Variants in DGKE observed in about 807,000 individuals in gnomAD.
The protein encoded by DGKE is diacylglycerol kinase epsilon.
In DGKE, 53 loss-of-function variants were observed where a neutral mutation model predicts 70.0. That is an observed-to-expected ratio of 0.76 (90% CI 0.61 to 0.95). The LOEUF (loss-of-function observed/expected upper bound fraction) is 0.95, where lower values mean the gene tolerates loss of function less well. Ranked by LOEUF, DGKE falls within the 40% of genes least tolerant of loss-of-function variation. DGKE has a pLI of 0.00. For synonymous variants in DGKE, 291 were observed against 257.0 expected, an observed-to-expected ratio of 1.13 and a Z score of -1.27; for missense variants, 655 against 706.9, an observed-to-expected ratio of 0.93 and a Z score of 0.83.
chr17:56,851,241 C>T (rs1164972597), intron 7 of DGKE, among the ~76,000 whole-genome samples: 1 of 152,052 alleles, frequency 6.6e-6, no homozygotes, highest in Non-Finnish European at 1.5e-5. Context: ...AGCTGTTTGT[C>T]CCCTAGATCA....
chr17:56,845,846 C>T (rs750703496), intron 4 of DGKE, 37 bp downstream of exon 4: 5 of 1,546,220 alleles, frequency 3.2e-6, no homozygotes, highest in African/African-American at 1.4e-5. Flanking sequence ...TTAATGTTTT[C>T]ATTTTCCCCA....
rs551695320 is a variant in DGKE at position 56,862,315 on chromosome 17, A to AAAATATACATGCT, written c.1524+66_1524+78dup. On this transcript the variant is annotated intron_variant, in intron 11 of 11. Coordinates refer to ENST00000284061, the MANE Select transcript of DGKE (RefSeq NM_003647.3). Reference sequence around the variant, plus strand: ...ATCCAATTCTAAGCTGTTGATATGTAAAATATACATGCTATACTTTTCTTT... The same window carrying AAAATATACATGCT: ...ATCCAATTCTAAGCTGTTGATATGTAAAATATACATGCTAAATATACATGCTATACTTTTCTTT... 2,671 of 1,422,818 alleles carry AAAATATACATGCT rather than the reference A, an allele frequency of 1.9e-3. 6 individuals carry two copies. Among genetic ancestry groups the AAAATATACATGCT allele is most frequent in the Non-Finnish European group, 1.8e-3 (1,817 of 1,014,338 alleles). 88.1% of individuals were successfully genotyped at this position (1,422,818 alleles called of 1,614,324 possible).
chr17:56,860,580 GTT>G (rs972702136), intron 9 of DGKE, among the ~76,000 whole-genome samples: 3 of 152,212 alleles, frequency 2.0e-5, no homozygotes, highest in African/African-American at 7.2e-5. Context: ...AGTATGAGAA[GTT>G]ATATAAGAAA....
At chr17:56,850,382 C>G (rs1306080676) in intron 7 of DGKE, among the ~76,000 whole-genome samples, 1 of 152,170 alleles carries the variant, frequency 6.6e-6, no homozygotes, top group Non-Finnish European at 1.5e-5. Flanking sequence ...ATCCTCCCAC[C>G]TCAGCCTTCC....
intron 6 of DGKE, 84 bp from the exon 7 acceptor site, chr17:56,849,097 A>G: frequency 7.2e-7 from 1 of 1,388,558 alleles, no homozygotes; most frequent in Non-Finnish European, 9.9e-7. Flanking sequence ...ATGGTATTTT[A>G]ATAGAAAACC....
chr17:56,856,832 T>C (rs566077558), intron 8 of DGKE, among the ~76,000 whole-genome samples: 14 of 152,230 alleles, frequency 9.2e-5, no homozygotes, highest in African/African-American at 3.1e-4. Context: ...GCACAGTGGC[T>C]CATGCCTGTA....
chr17:56,839,760 A>G (rs1467460639), intron 2 of DGKE, among the ~76,000 whole-genome samples: 3 of 152,110 alleles, frequency 2.0e-5, no homozygotes, highest in East Asian at 3.9e-4. Flanking sequence ...GGCTCAAGCA[A>G]TCCTCGCATC....
At position 56,858,634 on chromosome 17, in the gene DGKE, A is replaced by C; in HGVS notation, c.1253A>C (p.Gln418Pro). 2 of 1,605,938 alleles carry C rather than the reference A, an allele frequency of 1.2e-6. No homozygotes were observed. Among genetic ancestry groups the C allele is most frequent in the Non-Finnish European group, 8.5e-7 (1 of 1,177,198 alleles). Residue 418 changes from glutamine to proline, a missense_variant, in exon 9 of 12, where the codon CAA becomes CCA. Transcript: ENST00000284061. Reference sequence around the variant, plus strand: ...TATGGAACCAAAGATTGTTTAGTGCAAGAATGTAAAGATTTGAATAAAAAA... The same window carrying C: ...TATGGAACCAAAGATTGTTTAGTGCCAGAATGTAAAGATTTGAATAAAAAA... ...LFYGTKDCLV[Q>P]ECKDLNKKVE... is the part of the protein sequence containing the mutation.
chr17:56,844,536 A>G (rs1360719176), intron 3 of DGKE, among the ~76,000 whole-genome samples: 3 of 152,218 alleles, frequency 2.0e-5, no homozygotes, highest in African/African-American at 7.2e-5. Context: ...TTTAGTAGGT[A>G]TAGGGTAAGT....
intron 4 of DGKE, among the ~76,000 whole-genome samples, chr17:56,847,126 G>A (rs954543608): frequency 2.0e-5 from 3 of 152,098 alleles, no homozygotes; most frequent in Admixed American, 6.5e-5. Context: ...TTCTAGGGTC[G>A]TTGACAGAAT....
chr17:56,866,599 A>G lies in DGKE; in HGVS notation c.*3808A>G, dbSNP rs554449125. 2.0e-5 allele frequency: 3 copies of G among 152,386 alleles called. No individual in the cohort carries two copies. Among genetic ancestry groups the G allele is most frequent in the South Asian group, 2.1e-4 (1 of 4,828 alleles). 9.4% of individuals were successfully genotyped at this position (152,386 alleles called of 1,614,324 possible). The stretch of plus-strand genomic sequence containing the variant: ...GATATATTTGTCTGAACTCTGTTAC[A>G]TAAAAATTGGTATGATTCATATGTG... On this transcript the variant is annotated 3_prime_UTR_variant, in exon 12 of 12. Transcript: ENST00000284061.
At chr17:56,839,192 A>G (rs1028355282) in intron 2 of DGKE, among the ~76,000 whole-genome samples, 1 of 152,232 alleles carries the variant, frequency 6.6e-6, no homozygotes, top group Non-Finnish European at 1.5e-5. Context: ...ATATGAATTT[A>G]TATGGAAAGA....
intron 1 of DGKE, among the ~76,000 whole-genome samples, 163 bp from the exon 2 acceptor site, chr17:56,834,615 G>T (rs1238524369): frequency 4.6e-5 from 7 of 152,184 alleles, no homozygotes; most frequent in Non-Finnish European, 1.0e-4. Context: ...TCGCCTTCTC[G>T]GCGCGGCAGG....
intron 3 of DGKE, among the ~76,000 whole-genome samples, chr17:56,844,661 A>G (rs1033711524): frequency 1.3e-5 from 2 of 152,120 alleles, no homozygotes; most frequent in Admixed American, 6.5e-5. Flanking sequence ...ACCTTTTTCT[A>G]AAACTATTTT....
intron 8 of DGKE, 177 bp downstream of exon 8, chr17:56,856,802 A>G (rs1907977755): frequency 2.2e-6 from 1 of 459,924 alleles, no homozygotes; most frequent in Non-Finnish European, 2.9e-6. Flanking sequence ...TAGATCTTTA[A>G]ATGTGCTTTA....
At position 56,869,318 on chromosome 17, in the gene DGKE, AATT is replaced by A. The variant is rs1908658106; in HGVS notation, c.*6532_*6534del. 1 of 152,248 alleles carries A rather than the reference AATT, an allele frequency of 6.6e-6. No homozygotes were observed. Among genetic ancestry groups the A allele is most frequent in the Admixed American group, 6.5e-5 (1 of 15,288 alleles). 9.4% of individuals were successfully genotyped at this position (152,248 alleles called of 1,614,324 possible). ...ATCGTCTACCATAAGGTTATATGAT[AATT>A]ATTAGGGCAGGAGAGTGAATGCATC... On this transcript the variant is annotated 3_prime_UTR_variant, in exon 12 of 12. Coordinates refer to ENST00000284061, the MANE Select transcript of DGKE (RefSeq NM_003647.3).
intron 2 of DGKE, among the ~76,000 whole-genome samples, chr17:56,837,200 A>G (rs1025217660): frequency 6.6e-6 from 1 of 152,114 alleles, no homozygotes; most frequent in Non-Finnish European, 1.5e-5. Flanking sequence ...TCAACTAGGC[A>G]TTGCCGTTTT....
In DGKE at chr17:56,867,102, A is replaced by G. The variant is rs1354751470; in HGVS notation, c.*4311A>G. On this transcript the variant is annotated 3_prime_UTR_variant, in exon 12 of 12. Transcript: ENST00000284061. ...TTTTGATATGTAAATACACATCAAT[A>G]CATATATATTTACCCATGTGGCCCT... 2 of 152,214 alleles carry G rather than the reference A, an allele frequency of 1.3e-5. No homozygotes were observed. Among genetic ancestry groups the G allele is most frequent in the Non-Finnish European group, 2.9e-5 (2 of 68,038 alleles). 9.4% of individuals were successfully genotyped at this position (152,214 alleles called of 1,614,324 possible). A position where few individuals can be genotyped will look rare whatever the true frequency, so the allele number is the denominator to read the frequency against.
intron 3 of DGKE, among the ~76,000 whole-genome samples, 194 bp from the exon 4 acceptor site, chr17:56,845,496 T>C (rs967114350): frequency 1.3e-5 from 2 of 152,202 alleles, no homozygotes; most frequent in African/African-American, 4.8e-5. Context: ...AATTAAACAT[T>C]GAATGGGAGC....
Sources: gnomAD v4.1 joint callset for allele counts (sites outside exome capture counted in the v4.1 genomes callset) on GRCh38, gnomAD v4.1.1 for gene constraint, MANE v1.5 for transcripts, NCBI Gene and HGNC (gene_info 2026-07-23, HGNC 2026-07-21) for gene names.